Variants in ZBTB48 observed in about 807,000 individuals in gnomAD.
ZBTB48 encodes the protein zinc finger and BTB domain-containing protein 48.
In ZBTB48, 35 loss-of-function variants were observed where a neutral mutation model predicts 64.5. The observed-to-expected ratio is 0.54, with a 90% CI of 0.41 to 0.72. The LOEUF is 0.72. Among genes scored for constraint, ZBTB48 ranks in the 30% least tolerant of loss-of-function variants. ZBTB48 has a pLI of 0.00. For synonymous variants in ZBTB48, 442 were observed against 356.7 expected (o/e 1.24, Z -2.70); for missense variants, 828 against 895.3 (o/e 0.92, Z 0.96).
At position 6,584,038 on chromosome 1, in the gene ZBTB48, T is replaced by A. The variant is rs559634142; in HGVS notation, c.932+1739T>A. The stretch of plus-strand genomic sequence containing the variant: ...ACCTTGTGATCCACCTGCCTCAGCC[T>A]CCCAAAGTGCTGGGATTACAGGCGT... On this transcript the variant is annotated intron_variant, in intron 3 of 10. Coordinates refer to ENST00000377674, the MANE Select transcript of ZBTB48 (RefSeq NM_005341.4). This position sits in a 1 kb window ranked among gnomAD's most constrained non-coding sequence, Gnocchi z 4.5. 6.6e-6 allele frequency among the ~76,000 whole-genome samples: 1 copy of A among 152,244 alleles called. No individual in the cohort carries two copies. Among genetic ancestry groups the A allele is most frequent in the Admixed American group, 6.5e-5 (1 of 15,296 alleles).
chr1:6,587,035 G>A (rs768628784), intron 5 of ZBTB48, 170 bp from the exon 6 acceptor site: 2 of 882,890 alleles, frequency 2.3e-6, no homozygotes, highest in South Asian at 1.4e-5. Context: ...CCTCTGGGCA[G>A]CTGAGCCCTG....
chr1:6,580,964 T>C lies in ZBTB48; in HGVS notation c.355T>C (p.Ser119Pro), dbSNP rs1484855554. 6.2e-7 allele frequency: 1 copy of C among 1,613,804 alleles called. No homozygotes were observed. The highest frequency in any genetic ancestry group is 8.5e-7 in the Non-Finnish European group (1 of 1,180,016). ...ELCQSFKPKT[S>P]VGQAAGGQSG... Reference sequence around the variant, plus strand: ...GTGCCAGAGCTTCAAGCCCAAAACTTCAGTGGGACAGGCAGCAGGTGGCCA... The same window carrying C: ...GTGCCAGAGCTTCAAGCCCAAAACTCCAGTGGGACAGGCAGCAGGTGGCCA... The change falls in exon 2 of 11, where the codon TCA becomes CCA. Residue 119 changes from serine to proline, a missense_variant. By Grantham distance (74) the Ser-to-Pro change is moderately conservative. Coordinates refer to ENST00000377674, the MANE Select transcript of ZBTB48 (RefSeq NM_005341.4). The surrounding 1 kb of genome is among the most constrained non-coding windows in gnomAD (Gnocchi z 5.2).
intron 4 of ZBTB48, chr1:6,586,341 C>T (rs893065565): frequency 2.2e-5 from 11 of 496,684 alleles, no homozygotes; most frequent in African/African-American, 2.1e-4. Flanking sequence ...TGGGAAAGGC[C>T]CCCTGGCCAC....
chr1:6,587,697 G>A, intron 7 of ZBTB48, 65 bp downstream of exon 7: 2 of 1,594,308 alleles, frequency 1.3e-6, no homozygotes, highest in Non-Finnish European at 8.5e-7. Flanking sequence ...CACCGGCAGG[G>A]AAGACAGAGT....
Position 6,580,517 on chromosome 1 carries a change from C to T in ZBTB48, c.-69-24C>T, listed in dbSNP as rs773801745. On this transcript the variant is annotated intron_variant, in intron 1 of 10. Coordinates refer to ENST00000377674, the MANE Select transcript of ZBTB48 (RefSeq NM_005341.4). This position sits in a 1 kb window ranked among gnomAD's most constrained non-coding sequence, Gnocchi z 5.2. ...TGATTATTTGAGTAGAGGCCAACTTCCCGTTTCTCTCTCTTGACTCCAGGA... is the reference window on the plus strand; with the variant it reads ...TGATTATTTGAGTAGAGGCCAACTTTCCGTTTCTCTCTCTTGACTCCAGGA... 1.5e-6 allele frequency: 2 copies of T among 1,360,416 alleles called. No homozygotes were observed. Among genetic ancestry groups the T allele is most frequent in the African/African-American group, 1.5e-5 (1 of 68,402 alleles). 84.3% of individuals were successfully genotyped at this position (1,360,416 alleles called of 1,614,324 possible).
chr1:6,587,996 G>A (rs1640737757), intron 7 of ZBTB48, 64 bp from the exon 8 acceptor site: 1 of 1,597,824 alleles, frequency 6.3e-7, no homozygotes, highest in Admixed American at 1.7e-5. Flanking sequence ...GCTCCTAGCT[G>A]TAGCAGAGCA....
intron 5 of ZBTB48, 128 bp downstream of exon 5, chr1:6,586,915 TTCCCTGCCTTTCC>T: frequency 9.3e-7 from 1 of 1,076,148 alleles, no homozygotes; most frequent in Non-Finnish European, 1.4e-6. Flanking sequence ...CTTCCCTGCC[TTCCCTGCCTTTCC>T]AGTGCCCCCT....
rs1485532186 is a variant in ZBTB48, at chr1:6,588,187, C to G, written c.1507C>G (p.Arg503Gly). The G allele has an allele frequency of 1.9e-6, 3 of 1,614,066 alleles. No individual in the cohort carries two copies. Among genetic ancestry groups the G allele is most frequent in the Middle Eastern group, 1.6e-4 (1 of 6,062 alleles). The change falls in exon 8 of 11, where the codon CGA becomes GGA. Residue 503 changes from arginine (R) to glycine (G), a missense_variant. Transcript: ENST00000377674. ...FQCHLCGKTF[R>G]TQASLDKHNR... The stretch of plus-strand genomic sequence containing the variant: ...GTGCCACCTCTGTGGCAAGACCTTC[C>G]GAACCCAAGGTGAGGTACGCCCTGC...
chr1:6,585,755 A>T (rs564509643), intron 3 of ZBTB48, 164 bp from the exon 4 acceptor site: 2 of 643,386 alleles, frequency 3.1e-6, no homozygotes, highest in South Asian at 3.6e-5. Flanking sequence ...TCCCTTGCAG[A>T]GTCTCCATGC....
chr1:6,580,397 T>G lies in ZBTB48; in HGVS notation c.-69-144T>G, dbSNP rs1283125776. On this transcript the variant is annotated intron_variant, in intron 1 of 10. Coordinates refer to ENST00000377674, the MANE Select transcript of ZBTB48 (RefSeq NM_005341.4). This position sits in a 1 kb window ranked among gnomAD's most constrained non-coding sequence, Gnocchi z 5.2. ...CCCATCCAGCATCCCCCCTGGCCAA[T>G]CCAATATGGCCCCCGGCCCCCGGGA... 2 of 594,956 alleles carry G rather than the reference T, an allele frequency of 3.4e-6. No homozygotes were observed. The highest frequency in any genetic ancestry group is 2.9e-5 in the East Asian group (1 of 34,758). 36.9% of individuals were successfully genotyped at this position (594,956 alleles called of 1,614,324 possible).
Position 6,580,196 on chromosome 1 carries a change from T to C in ZBTB48, c.-70+60T>C, listed in dbSNP as rs951217543. On this transcript the variant is annotated intron_variant, in intron 1 of 10. Coordinates refer to ENST00000377674, the MANE Select transcript of ZBTB48 (RefSeq NM_005341.4). The surrounding 1 kb of genome is among the most constrained non-coding windows in gnomAD (Gnocchi z 5.2). Reference sequence around the variant, plus strand: ...GCGGGCCGCCGTGGCTGCCTTCCGCTCGGCCGCTCGGGACCTGTGGGCGCG... The same window carrying C: ...GCGGGCCGCCGTGGCTGCCTTCCGCCCGGCCGCTCGGGACCTGTGGGCGCG... The C allele has an allele frequency of 1.9e-4, 37 of 196,806 alleles. No homozygotes were observed. The highest frequency in any genetic ancestry group is 2.7e-4 in the Admixed American group (5 of 18,730). The allele number at this position is 196,806 out of a possible 1,614,324, so 12.2% of individuals were successfully genotyped here.
Position 6,589,071 on chromosome 1 carries a change from T to G in ZBTB48, c.1926T>G (p.Ile642Met). Reference protein sequence around the residue: ...AELEVGSAEVIVESLAQGGLA... With the variant: ...AELEVGSAEVMVESLAQGGLA... ...TGGAGGTGGGCTCGGCGGAGGTCAT[T>G]GTGGAGTCCCTGGCCCAGGGCGGCC... Residue 642 changes from isoleucine (I) to methionine (M), a missense_variant, in exon 11 of 11, where the codon ATT (isoleucine) becomes ATG (methionine). Coordinates refer to ENST00000377674, the MANE Select transcript of ZBTB48 (RefSeq NM_005341.4). The G allele has an allele frequency of 1.2e-6, 2 of 1,607,574 alleles. No homozygotes were observed. The highest frequency in any genetic ancestry group is 1.7e-6 in the Non-Finnish European group (2 of 1,177,622).
rs1334385147 is a variant in ZBTB48, at chr1:6,586,239, CTG to C, written c.1044+212_1044+213del. The C allele has an allele frequency of 5.6e-5, 33 of 591,142 alleles. No homozygotes were observed. In the East Asian group the frequency reaches 8.5e-4, roughly 15 times the overall value. The allele number at this position is 591,142 out of a possible 1,614,324, so 36.6% of individuals were successfully genotyped here. On this transcript the variant is annotated intron_variant, in intron 4 of 10. Transcript: ENST00000377674. ...GGAAGGGACAGGCATAGGAGGGACTCTGTGGGAGGCATTTGGGGTTGGCTTTC... is the reference window on the plus strand; with the variant it reads ...GGAAGGGACAGGCATAGGAGGGACTCTGGGAGGCATTTGGGGTTGGCTTTC...
rs749468476 is a variant in ZBTB48 at position 6,581,251 on chromosome 1, A to G, written c.642A>G (p.Pro214=). ...AACCCGAGGACTGCAAAGTGCCCCC[A>G]AGGCCCTTAGAGGCTGAAGGTGCCC... The part of the protein sequence containing the change: ...DKKPEDCKVP[P]RPLEAEGAQL... Residue 214 remains proline, a synonymous_variant, in exon 2 of 11, where the codon CCA becomes CCG. Transcript: ENST00000377674. The G allele has an allele frequency of 1.9e-6, 3 of 1,612,052 alleles. No homozygotes were observed. Among genetic ancestry groups the G allele is most frequent in the South Asian group, 1.1e-5 (1 of 90,974 alleles).
chr1:6,589,175 T>A lies in ZBTB48; in HGVS notation c.2030T>A (p.Ile677Asn), dbSNP rs554036434. 4.5e-6 allele frequency: 7 copies of A among 1,541,796 alleles called. No homozygotes were observed. The South Asian group carries it at 5.0e-5, about 11-fold the overall frequency. Reference sequence around the variant, plus strand: ...CCAGGTGTCCTGGAGCCCTCCCTCATCATCACAGCTGCTGTCCCCGAGGAC... The same window carrying A: ...CCAGGTGTCCTGGAGCCCTCCCTCAACATCACAGCTGCTGTCCCCGAGGAC... ...TGPGVLEPSL[I>N]ITAAVPEDCD... The change falls in exon 11 of 11, where the codon ATC becomes AAC. Residue 677 changes from isoleucine (I) to asparagine (N), a missense_variant. Physicochemically the swap from Ile to Asn is moderately radical, Grantham distance 149 (BLOSUM62 -3). Transcript: ENST00000377674.
At position 6,588,943 on chromosome 1, in the gene ZBTB48, C is replaced by A. The variant is rs1307312594; in HGVS notation, c.1798C>A (p.His600Asn). 3.7e-6 allele frequency: 6 copies of A among 1,611,302 alleles called. No individual in the cohort carries two copies. ...QAHLRRHMEI[H>N]DRVENYNPRQ... ...CCACCTGCGGAGGCACATGGAGATCCACGACCGGGTAGAGAACTACAACCC... is the reference window on the plus strand; with the variant it reads ...CCACCTGCGGAGGCACATGGAGATCAACGACCGGGTAGAGAACTACAACCC... The change falls in exon 11 of 11, where the codon CAC becomes AAC. Residue 600 changes from histidine (H) to asparagine (N), a missense_variant. Transcript: ENST00000377674.
chr1:6,588,842 CAGGT>C lies in ZBTB48; in HGVS notation c.1770+2_1770+5del, dbSNP rs1222861704. 1.2e-6 allele frequency: 2 copies of C among 1,613,986 alleles called. No individual in the cohort carries two copies. Among genetic ancestry groups the C allele is most frequent in the Non-Finnish European group, 1.7e-6 (2 of 1,180,032 alleles). On this transcript the variant is annotated splice_donor_variant and coding_sequence_variant, in exon 10 of 11. Transcript: ENST00000377674. LOFTEE classifies it high-confidence loss of function. ...CGAGTGTGGCTACAAGTTTACCCGACAGGTAGGCCAGGGCCTGGGCCCCTTCCCC... is the reference window on the plus strand; with the variant it reads ...CGAGTGTGGCTACAAGTTTACCCGACAGGCCAGGGCCTGGGCCCCTTCCCC...
At chr1:6,585,047 C>G (rs1640608301) in intron 3 of ZBTB48, among the ~76,000 whole-genome samples, 1 of 152,174 alleles carries the variant, frequency 6.6e-6, no homozygotes, top group Admixed American at 6.5e-5. Flanking sequence ...TGAGGAAGTG[C>G]TGCCGAAGAA....
chr1:6,586,478 A>T, intron 4 of ZBTB48: 1 of 984,420 alleles, frequency 1.0e-6, no homozygotes. Context: ...CCCTGCCCCC[A>T]GTCTGTCTGG....
Sources: allele counts gnomAD v4.1 joint callset (sites outside exome capture counted in the v4.1 genomes callset), GRCh38; gene constraint gnomAD v4.1.1; non-coding constraint Gnocchi (gnomAD v3.1); transcripts MANE v1.5; gene names NCBI Gene and HGNC (gene_info 2026-07-23, HGNC 2026-07-21).